Variants in LRBA observed in about 807,000 individuals in gnomAD.
LRBA encodes the protein LPS responsive beige-like anchor protein.
In LRBA, 176 loss-of-function variants were observed where a neutral mutation model predicts 330.0. The ratio of observed to expected loss-of-function variants is 0.53; its 90% CI spans 0.47 to 0.60. LRBA has a LOEUF of 0.60. LRBA is among the 20% of genes least tolerant of loss of function. LRBA has a pLI of 0.00. For missense variants in LRBA, 3,259 were observed against 3,444.8 expected (o/e 0.95, Z 1.35); for synonymous variants, 1,230 against 1,193.0 (o/e 1.03, Z -0.64).
chr4:150,834,082 A>C (rs1747622131), intron 28 of LRBA, among the ~76,000 whole-genome samples: 1 of 152,082 alleles, frequency 6.6e-6, no homozygotes, highest in African/African-American at 2.4e-5. Context: ...TCTCATTCTG[A>C]TTCTCTTGCT....
At chr4:150,702,971 C>G (rs953749461) in intron 36 of LRBA, among the ~76,000 whole-genome samples, 2 of 152,080 alleles carry the variant, frequency 1.3e-5, no homozygotes, top group African/African-American at 4.8e-5. Context: ...ACCAGGCTGG[C>G]CAACATAGTG....
intron 2 of LRBA, among the ~76,000 whole-genome samples, chr4:150,938,293 T>C (rs1002067528): frequency 3.7e-4 from 56 of 152,150 alleles, no homozygotes; most frequent in African/African-American, 1.3e-3. Flanking sequence ...TTTAAAAGTG[T>C]CAACCTCAAG....
At chr4:150,669,249 A>G (rs1781838022) in intron 37 of LRBA, among the ~76,000 whole-genome samples, 1 of 152,236 alleles carries the variant, frequency 6.6e-6, no homozygotes. Flanking sequence ...GAGTTCCTGT[A>G]TACCCTTCAC....
intron 36 of LRBA, among the ~76,000 whole-genome samples, chr4:150,704,855 C>A (rs892400716): frequency 9.2e-5 from 14 of 152,110 alleles, no homozygotes; most frequent in Middle Eastern, 3.4e-3. Flanking sequence ...CAATTAATGA[C>A]AAAATTTCTT....
At chr4:150,618,875 CACAT>C (rs1776035826) in intron 37 of LRBA, among the ~76,000 whole-genome samples, 4 of 142,404 alleles carry the variant, frequency 2.8e-5, no homozygotes, top group African/African-American at 1.1e-4. Flanking sequence ...TATATATACA[CACAT>C]ACACACACAT....
In LRBA at chr4:150,852,732, G is replaced by A. The variant is rs1329983907; in HGVS notation, c.2978C>T (p.Ser993Leu). 2 of 1,613,786 alleles carry A rather than the reference G, an allele frequency of 1.2e-6. No homozygotes were observed. Among genetic ancestry groups the A allele is most frequent in the Non-Finnish European group, 1.7e-6 (2 of 1,179,806 alleles). Residue 993 changes from serine (S) to leucine (L), a missense_variant, in exon 23 of 57, where the codon TCA becomes TTA. Physicochemically the swap from Ser to Leu is moderately radical, Grantham distance 145 (BLOSUM62 -2). Coordinates refer to ENST00000651943, the MANE Select transcript of LRBA (RefSeq NM_001364905.1). ...PHFTTNGNEN[S>L]SIEKTSSLES... ...TAGTGAACTTGTCTTCTCTATACTT[G>A]AATTTTCATTACCATTTGTGGTGAA...
intron 48 of LRBA, among the ~76,000 whole-genome samples, chr4:150,331,973 A>C (rs1248545246): frequency 1.3e-5 from 2 of 152,188 alleles, no homozygotes; most frequent in Non-Finnish European, 2.9e-5. Context: ...AATAACTGTC[A>C]ATATTTTATT....
intron 40 of LRBA, among the ~76,000 whole-genome samples, chr4:150,491,315 G>C (rs900436505): frequency 2.6e-5 from 4 of 151,854 alleles, no homozygotes; most frequent in African/African-American, 9.7e-5. Flanking sequence ...AATACATATT[G>C]CATCATTTAC....
chr4:150,483,783 A>G (rs1319191024), intron 42 of LRBA, among the ~76,000 whole-genome samples: 1 of 152,070 alleles, frequency 6.6e-6, no homozygotes, highest in Admixed American at 6.6e-5. Context: ...GTATAGTACA[A>G]TTCTCCATTT....
chr4:150,885,840 TTA>T (rs1728889284), intron 17 of LRBA, among the ~76,000 whole-genome samples: 1 of 152,180 alleles, frequency 6.6e-6, no homozygotes. Context: ...ATTTAAGTTC[TTA>T]TATCCAGGAT....
intron 42 of LRBA, among the ~76,000 whole-genome samples, chr4:150,482,638 T>C (rs867470104): frequency 3.3e-5 from 5 of 152,114 alleles, no homozygotes; most frequent in Admixed American, 6.6e-5. Flanking sequence ...GTCGTACCAC[T>C]TTACTTCCCC....
At chr4:151,014,134 T>C (rs1377821660) in intron 2 of LRBA, 3 of 253,278 alleles carry the variant, frequency 1.2e-5, no homozygotes, top group East Asian at 1.5e-4. Flanking sequence ...AAAAAAAAAT[T>C]AGAGATAACT....
chr4:150,355,036 A>T (rs1275200509), intron 47 of LRBA, among the ~76,000 whole-genome samples: 1 of 152,004 alleles, frequency 6.6e-6, no homozygotes, highest in East Asian at 1.9e-4. Context: ...CTCACTTAAG[A>T]AATAGATTAT....
At chr4:150,552,967 G>A (rs1226784678) in intron 40 of LRBA, among the ~76,000 whole-genome samples, 1 of 151,832 alleles carries the variant, frequency 6.6e-6, no homozygotes, top group Admixed American at 6.6e-5. Context: ...TACTTGGGAG[G>A]CTGAGGCAGG....
In LRBA at chr4:150,265,731, G is replaced by C. The variant is rs777137605; in HGVS notation, c.8550C>G (p.Thr2850=). Residue 2850 remains threonine, a synonymous_variant, in exon 57 of 57, where the codon ACC becomes ACG. Coordinates refer to ENST00000651943, the MANE Select transcript of LRBA (RefSeq NM_001364905.1). ...DFNRWHHEYQ[T]RY is the part of the protein sequence containing the mutation. ...TGTACAGCTGTCACCATCAGTAGCG[G>C]GTTTGGTATTCATGATGCCACCGGT... 6 of 1,609,656 alleles carry C rather than the reference G, an allele frequency of 3.7e-6. No homozygotes were observed. The Admixed American group carries it at 1.0e-4, about 27-fold the overall frequency.
intron 44 of LRBA, among the ~76,000 whole-genome samples, chr4:150,437,976 A>G (rs1751341579): frequency 6.6e-6 from 1 of 152,220 alleles, no homozygotes; most frequent in South Asian, 2.1e-4. Context: ...TGTGTGATCA[A>G]GCCTATGCAT....
At chr4:150,362,128 C>G (rs926119666) in intron 47 of LRBA, among the ~76,000 whole-genome samples, 18 of 152,058 alleles carry the variant, frequency 1.2e-4, no homozygotes, top group Admixed American at 6.5e-4. Flanking sequence ...ATATCAAAAA[C>G]CAAATGAATA....
chr4:150,471,637 G>A lies in LRBA; in HGVS notation c.6654C>T (p.Leu2218=), dbSNP rs1281577057. The change falls in exon 43 of 57, where the codon CTC becomes CTT. Residue 2218 remains leucine (L), a synonymous_variant. Coordinates refer to ENST00000651943, the MANE Select transcript of LRBA (RefSeq NM_001364905.1). ...GAATTAGGTTACCTGCTATCGTGTT[G>A]AGAAACATCAAGTACTCAAAATTAG... The part of the protein sequence containing the change: ...EISNFEYLMF[L]NTIAGRSYND... 1 of 1,589,116 alleles carries A rather than the reference G, an allele frequency of 6.3e-7. No homozygotes were observed.
chr4:151,013,544 A>C (rs1393361855), intron 2 of LRBA: 1 of 152,210 alleles, frequency 6.6e-6, no homozygotes, highest in Non-Finnish European at 1.5e-5. Flanking sequence ...GAATTGTATA[A>C]TATATGAATT....
Sources: allele counts gnomAD v4.1 joint callset (sites outside exome capture counted in the v4.1 genomes callset), GRCh38; gene constraint gnomAD v4.1.1; transcripts MANE v1.5; gene names NCBI Gene and HGNC (gene_info 2026-07-23, HGNC 2026-07-21).